Variants in MYO10 observed in about 807,000 individuals in gnomAD.
MYO10 encodes the protein myosin X.
In MYO10, 133 loss-of-function variants were observed where a neutral mutation model predicts 257.3. The ratio of observed to expected loss-of-function variants is 0.52; its 90% CI spans 0.45 to 0.60. The LOEUF (loss-of-function observed/expected upper bound fraction) is 0.60, where lower values mean the gene tolerates loss of function less well. MYO10 is among the 20% of genes least tolerant of loss of function. The pLI is 0.00. For synonymous variants in MYO10, 1,104 were observed against 1,028.6 expected (o/e 1.07, Z -1.40); for missense variants, 2,399 against 2,635.7 (o/e 0.91, Z 1.97).
intron 1 of MYO10, among the ~76,000 whole-genome samples, chr5:16,922,275 CCA>C (rs1038050253): frequency 2.0e-5 from 3 of 151,954 alleles, no homozygotes; most frequent in Non-Finnish European, 2.9e-5. Context: ...GCACATGGGC[CCA>C]CATCTGAGAA....
chr5:16,895,444 T>C (rs1343796938), intron 1 of MYO10, among the ~76,000 whole-genome samples: 1 of 152,166 alleles, frequency 6.6e-6, no homozygotes, highest in East Asian at 1.9e-4. Flanking sequence ...AAGTTCCTCC[T>C]AGTTCCTACT....
intron 21 of MYO10, among the ~76,000 whole-genome samples, chr5:16,706,347 G>T (rs1738340918): frequency 6.6e-6 from 1 of 152,074 alleles, no homozygotes; most frequent in South Asian, 2.1e-4. Context: ...GAAGCTACAA[G>T]TGTAAAGTTT....
chr5:16,781,605 A>G lies in MYO10; in HGVS notation c.727+100T>C, dbSNP rs1741427188. 2.4e-6 allele frequency: 3 copies of G among 1,261,784 alleles called. No individual in the cohort carries two copies. The South Asian group carries it at 4.5e-5, about 19-fold the overall frequency. 78.2% of individuals were successfully genotyped at this position (1,261,784 alleles called of 1,614,324 possible). A position where few individuals can be genotyped will look rare whatever the true frequency, so the allele number is the denominator to read the frequency against. ...GTCTAATTCGTTAAAGAACCAGAGAAAGAAATGTTTCACATTCTTTTTCAA... is the reference window on the plus strand; with the variant it reads ...GTCTAATTCGTTAAAGAACCAGAGAGAGAAATGTTTCACATTCTTTTTCAA... On this transcript the variant is annotated intron_variant, in intron 6 of 40. Transcript: ENST00000513610.
At position 16,711,150 on chromosome 5, in the gene MYO10, G is replaced by A; in HGVS notation, c.2025C>T (p.Val675=). The A allele has an allele frequency of 6.2e-7, 1 of 1,613,794 alleles. No homozygotes were observed. The highest frequency in any genetic ancestry group is 8.5e-7 in the Non-Finnish European group (1 of 1,179,832). The change falls in exon 20 of 41, where the codon GTC becomes GTT. Residue 675 remains valine (V), a synonymous_variant. Coordinates refer to ENST00000513610, the MANE Select transcript of MYO10 (RefSeq NM_012334.3). Reference sequence around the variant, plus strand: ...TGTAAAAGTCCTGAAAGGGTCTTCGGACCGCATACCCAGCTTTGCGGATTC... The same window carrying A: ...TGTAAAAGTCCTGAAAGGGTCTTCGAACCGCATACCCAGCTTTGCGGATTC... The part of the protein sequence containing the change: ...TVRIRKAGYA[V]RRPFQDFYKR...
rs1579981864 is a variant in MYO10, at chr5:16,779,454, T to A, written c.930+91A>T. On this transcript the variant is annotated intron_variant, in intron 9 of 40. Coordinates refer to ENST00000513610, the MANE Select transcript of MYO10 (RefSeq NM_012334.3). ...AAATGGAATTACTTCTATTTCTATTTAAAAAAATCTTTTGAAACCGAAAAT... is the reference window on the plus strand; with the variant it reads ...AAATGGAATTACTTCTATTTCTATTAAAAAAAATCTTTTGAAACCGAAAAT... 5 of 713,464 alleles carry A rather than the reference T, an allele frequency of 7.0e-6. No individual in the cohort carries two copies. In the East Asian group the frequency reaches 1.5e-4, roughly 21 times the overall value. The allele number at this position is 713,464 out of a possible 1,614,324, so 44.2% of individuals were successfully genotyped here. A position where few individuals can be genotyped will look rare whatever the true frequency, so the allele number is the denominator to read the frequency against.
Position 16,935,918 on chromosome 5 carries a change from G to C in MYO10, c.-110C>G, listed in dbSNP as rs1410802745. 1.5e-6 allele frequency: 2 copies of C among 1,367,528 alleles called. No homozygotes were observed. Among genetic ancestry groups the C allele is most frequent in the Non-Finnish European group, 2.0e-6 (2 of 986,476 alleles). 84.7% of individuals were successfully genotyped at this position (1,367,528 alleles called of 1,614,324 possible). A position where few individuals can be genotyped will look rare whatever the true frequency, so the allele number is the denominator to read the frequency against. ...GTCACGGCGCCACTCCCGAGGACGC[G>C]CGCCCGCGGGGCTCCCCTGCTGCCA... On this transcript the variant is annotated 5_prime_UTR_variant, in exon 1 of 41. Transcript: ENST00000513610.
intron 2 of MYO10, among the ~76,000 whole-genome samples, chr5:16,837,573 T>C (rs1019117898): frequency 1.3e-5 from 2 of 152,148 alleles, no homozygotes; most frequent in African/African-American, 4.8e-5. Context: ...ACTCTGTAAA[T>C]ACACTAAAGA....
intron 3 of MYO10, among the ~76,000 whole-genome samples, chr5:16,815,850 G>A (rs1411170763): frequency 2.0e-5 from 3 of 152,032 alleles, no homozygotes; most frequent in Non-Finnish European, 2.9e-5. Context: ...AGAATGCATC[G>A]CCACTTTCAC....
In MYO10 at chr5:16,836,901, G is replaced by A. The variant is rs115285124; in HGVS notation, c.121-18734C>T. 2.6e-3 allele frequency among the ~76,000 whole-genome samples: 400 copies of A among 152,214 alleles called. 1 individual carries two copies. The highest frequency in any genetic ancestry group is 4.0e-3 in the Non-Finnish European group (274 of 68,024). The stretch of plus-strand genomic sequence containing the variant: ...CACGAAAAGGTTACCATGAATGTTC[G>A]TACCAGCATTTTTCCTATTAGCCAA... On this transcript the variant is annotated intron_variant, in intron 2 of 40. Transcript: ENST00000513610.
chr5:16,757,110 C>T (rs571554575), intron 18 of MYO10, among the ~76,000 whole-genome samples: 1 of 135,536 alleles, frequency 7.4e-6, no homozygotes, highest in South Asian at 2.4e-4. Flanking sequence ...CAGAGCGAGA[C>T]TCTGCCTTTA....
intron 19 of MYO10, among the ~76,000 whole-genome samples, chr5:16,745,168 C>T (rs189662508): frequency 1.6e-4 from 25 of 152,000 alleles, no homozygotes; most frequent in Non-Finnish European, 2.6e-4. Flanking sequence ...GGTGAAACCC[C>T]GTCTCTACTA....
intron 2 of MYO10, among the ~76,000 whole-genome samples, chr5:16,873,455 A>G (rs2625209): frequency 0.057 from 8,677 of 152,180 alleles, 701 homozygotes; most frequent in African/African-American, 0.18. Context: ...GCACAGTGCA[A>G]GCTGTCAGTG....
At chr5:16,775,144 C>G (rs1377807738) in intron 9 of MYO10, among the ~76,000 whole-genome samples, 1 of 152,178 alleles carries the variant, frequency 6.6e-6, no homozygotes, top group African/African-American at 2.4e-5. Context: ...TTACTACTGA[C>G]TTGAAATAGC....
intron 2 of MYO10, among the ~76,000 whole-genome samples, chr5:16,836,471 G>A (rs1392791483): frequency 6.6e-6 from 1 of 152,148 alleles, no homozygotes; most frequent in Non-Finnish European, 1.5e-5. Flanking sequence ...TAATGAAGAA[G>A]GCCAACAGCA....
chr5:16,726,075 C>T lies in MYO10; in HGVS notation c.1930-14830G>A, dbSNP rs370410512. On this transcript the variant is annotated intron_variant, in intron 19 of 40. Coordinates refer to ENST00000513610, the MANE Select transcript of MYO10 (RefSeq NM_012334.3). ...TGCTGGGATTACAGGTGTAAGCCAC[C>T]GTGCCCAGCCCACTCAAGTCTTTTA... Among the ~76,000 whole-genome samples the T allele has an allele frequency of 2.0e-5, 3 of 152,262 alleles. No homozygotes were observed. The South Asian group carries it at 6.2e-4, about 32-fold the overall frequency.
At chr5:16,878,793 G>A (rs1185740880) in intron 1 of MYO10, among the ~76,000 whole-genome samples, 1 of 152,082 alleles carries the variant, frequency 6.6e-6, no homozygotes, top group Non-Finnish European at 1.5e-5. Context: ...AGGATGCAAA[G>A]GCATAAGAAT....
intron 26 of MYO10, among the ~76,000 whole-genome samples, chr5:16,695,909 G>A (rs1279570954): frequency 4.6e-5 from 7 of 152,270 alleles, no homozygotes; most frequent in East Asian, 1.9e-4. Context: ...AGACATCTTT[G>A]GTAATTGTGC....
intron 4 of MYO10, among the ~76,000 whole-genome samples, chr5:16,788,177 G>T (rs930489824): frequency 1.3e-5 from 2 of 152,132 alleles, no homozygotes; most frequent in African/African-American, 4.8e-5. Context: ...ATGCGGGAAG[G>T]GCCGCGGGGG....
intron 2 of MYO10, among the ~76,000 whole-genome samples, chr5:16,824,056 C>T (rs1435252287): frequency 6.6e-6 from 1 of 152,016 alleles, no homozygotes; most frequent in East Asian, 1.9e-4. Flanking sequence ...GGGGGCAGAA[C>T]AAAGGAAACT....
Sources: allele counts gnomAD v4.1 joint callset (sites outside exome capture counted in the v4.1 genomes callset), GRCh38; gene constraint gnomAD v4.1.1; transcripts MANE v1.5; gene names NCBI Gene and HGNC (gene_info 2026-07-23, HGNC 2026-07-21).